The following PSD3 variants were observed in gnomAD, a reference collection of about 807,000 sequenced individuals.
PSD3 encodes pleckstrin and Sec7 domain containing 3.
Under a neutral mutation model 105.5 loss-of-function variants are expected in PSD3, and 49 were observed. The observed-to-expected ratio is 0.46, with a 90% CI of 0.37 to 0.59. The LOEUF is 0.59. PSD3 is among the 20% of genes least tolerant of loss of function. The probability of loss-of-function intolerance (pLI) is 0.00; values close to 1 mark genes in which losing one functional copy is unlikely to be tolerated. For missense variants in PSD3, 1,561 were observed against 1,263.8 expected (o/e 1.24, Z -3.57); for synonymous variants, 557 against 457.8 (o/e 1.22, Z -2.77).
rs71218905 is a variant in PSD3 at position 18,828,067 on chromosome 8, A to AT, written c.1635-23170dup. On this transcript the variant is annotated intron_variant, in intron 4 of 15. Transcript: ENST00000327040. The stretch of plus-strand genomic sequence containing the variant: ...TATATGTATATATATATATATATAT[A>AT]TTTTTTTTTTTTTACAAAAAAAATG... Among the ~76,000 whole-genome samples the AT allele has an allele frequency of 9.3e-3, 1,103 of 118,866 alleles. 7 individuals are homozygous for AT. Among genetic ancestry groups the AT allele is most frequent in the African/African-American group, 0.019 (551 of 28,424 alleles). The allele number at this position is 118,866 out of a possible 152,430, so 78.0% of individuals were successfully genotyped here. A position where few individuals can be genotyped will look rare whatever the true frequency, so the allele number is the denominator to read the frequency against.
At chr8:18,719,477 C>T (rs569428251) in intron 9 of PSD3, among the ~76,000 whole-genome samples, 3 of 152,298 alleles carry the variant, frequency 2.0e-5, no homozygotes, top group South Asian at 4.1e-4. Flanking sequence ...TGCTACTAGT[C>T]ATACTGCTTT....
intron 9 of PSD3, among the ~76,000 whole-genome samples, chr8:18,666,226 T>G (rs1003957053): frequency 6.6e-6 from 1 of 152,224 alleles, no homozygotes; most frequent in Non-Finnish European, 1.5e-5. Context: ...TATTTTTGTA[T>G]TTTTAGTAGA....
chr8:18,763,977 G>C (rs1017887532), intron 9 of PSD3, among the ~76,000 whole-genome samples: 1 of 152,224 alleles, frequency 6.6e-6, no homozygotes, highest in East Asian at 1.9e-4. Context: ...GCAAATTCTT[G>C]GTAGAGGAAG....
intron 1 of PSD3, among the ~76,000 whole-genome samples, chr8:19,034,508 A>C (rs944836087): frequency 6.6e-6 from 1 of 152,200 alleles, no homozygotes; most frequent in African/African-American, 2.4e-5. Flanking sequence ...CAGTAATTCT[A>C]CATTTAACAT....
intron 12 of PSD3, among the ~76,000 whole-genome samples, chr8:18,582,595 G>T (rs1327894893): frequency 1.3e-5 from 2 of 151,880 alleles, no homozygotes; most frequent in African/African-American, 2.4e-5. Context: ...CTGCATTTCT[G>T]GCCCCTTCAT....
chr8:18,548,918 A>G (rs994546421), intron 15 of PSD3, among the ~76,000 whole-genome samples: 6 of 152,106 alleles, frequency 3.9e-5, no homozygotes, highest in African/African-American at 1.2e-4. Flanking sequence ...CCTGCTTTCA[A>G]TCTTTCTCAA....
At chr8:18,643,473 G>C (rs1194053330) in intron 10 of PSD3, among the ~76,000 whole-genome samples, 1 of 152,160 alleles carries the variant, frequency 6.6e-6, no homozygotes, top group Non-Finnish European at 1.5e-5. Context: ...TCAATTTGAG[G>C]CATGATTCAT....
At chr8:18,557,325 A>G (rs539352498) in intron 14 of PSD3, among the ~76,000 whole-genome samples, 2 of 152,372 alleles carry the variant, frequency 1.3e-5, no homozygotes, top group South Asian at 4.1e-4. Context: ...GTAGAACACA[A>G]AAATCTTGTA....
intron 10 of PSD3, among the ~76,000 whole-genome samples, chr8:18,646,671 A>C (rs527999053): frequency 8.5e-5 from 13 of 152,298 alleles, no homozygotes; most frequent in African/African-American, 2.6e-4. Context: ...AAATCAGTCT[A>C]AACTAATAGA....
intron 10 of PSD3, among the ~76,000 whole-genome samples, chr8:18,648,677 A>G (rs1227547348): frequency 3.9e-5 from 6 of 152,196 alleles, no homozygotes; most frequent in Non-Finnish European, 7.3e-5. Flanking sequence ...AATGGGGAAA[A>G]TGCCTCAAAG....
At chr8:18,987,454 A>T (rs550901420) in intron 1 of PSD3, among the ~76,000 whole-genome samples, 1 of 152,078 alleles carries the variant, frequency 6.6e-6, no homozygotes, top group Non-Finnish European at 1.5e-5. Context: ...CGCCTGGCTA[A>T]TTTTTTGTAT....
At position 18,920,617 on chromosome 8, in the gene PSD3, A is replaced by T. The variant is rs116664356; in HGVS notation, c.130+15417T>A. On this transcript the variant is annotated intron_variant, in intron 2 of 15. Coordinates refer to ENST00000327040, the MANE Select transcript of PSD3 (RefSeq NM_015310.4). ...ACTCACTGATACTTAAAACCATTTAAGTAAAAAACCTTTTATTGACATATC... is the reference window on the plus strand; with the variant it reads ...ACTCACTGATACTTAAAACCATTTATGTAAAAAACCTTTTATTGACATATC... Among the ~76,000 whole-genome samples, 501 of 152,356 alleles carry T rather than the reference A, an allele frequency of 3.3e-3. 4 individuals carry two copies. The highest frequency in any genetic ancestry group is 0.012 in the African/African-American group (492 of 41,578).
intron 8 of PSD3, among the ~76,000 whole-genome samples, chr8:18,772,926 G>A (rs887722511): frequency 2.6e-5 from 4 of 152,144 alleles, no homozygotes; most frequent in Admixed American, 2.6e-4. Context: ...TACACAGTCC[G>A]ATATTAACTC....
intron 15 of PSD3, among the ~76,000 whole-genome samples, chr8:18,548,905 T>C (rs962017832): frequency 2.0e-5 from 3 of 152,196 alleles, no homozygotes; most frequent in Admixed American, 6.5e-5. Context: ...ATGGCCTCTC[T>C]TCCCTGCTTT....
intron 12 of PSD3, among the ~76,000 whole-genome samples, chr8:18,593,061 G>T (rs112251222): frequency 1.3e-5 from 2 of 152,132 alleles, no homozygotes; most frequent in Admixed American, 6.5e-5. Flanking sequence ...ACATAGGCAC[G>T]GGCAAGGACT....
At chr8:18,543,354 C>A (rs144881828) in intron 15 of PSD3, among the ~76,000 whole-genome samples, 3,588 of 152,254 alleles carry the variant, frequency 0.024, 68 homozygotes, top group East Asian at 0.086. Flanking sequence ...GTGACTCACA[C>A]CTGTAATCCC....
chr8:18,875,456 T>C (rs1292375214), intron 2 of PSD3, among the ~76,000 whole-genome samples: 1 of 151,074 alleles, frequency 6.6e-6, no homozygotes, highest in Non-Finnish European at 1.5e-5. Flanking sequence ...GCAGTAGGTC[T>C]TTTCATGGTT....
intron 9 of PSD3, among the ~76,000 whole-genome samples, chr8:18,688,298 T>A (rs184521740): frequency 1.3e-5 from 2 of 152,254 alleles, no homozygotes; most frequent in South Asian, 2.1e-4. Flanking sequence ...GGTCTTGCTA[T>A]GCTGTCCAGG....
At chr8:18,757,624 T>A (rs1806166851) in intron 9 of PSD3, among the ~76,000 whole-genome samples, 1 of 152,174 alleles carries the variant, frequency 6.6e-6, no homozygotes, top group South Asian at 2.1e-4. Context: ...ATACTTAATA[T>A]ATTTCCTTCA....
Sources: allele counts gnomAD v4.1 joint callset (sites outside exome capture counted in the v4.1 genomes callset), GRCh38; gene constraint gnomAD v4.1.1; transcripts MANE v1.5; gene names NCBI Gene and HGNC (gene_info 2026-07-23, HGNC 2026-07-21).